POLK: variants seen among roughly 807,000 people sequenced by gnomAD.
The protein encoded by POLK is polymerase (DNA directed) kappa.
In POLK, 76 loss-of-function variants were observed where a neutral mutation model predicts 94.0. The ratio of observed to expected loss-of-function variants is 0.81; its 90% CI spans 0.67 to 0.98. The LOEUF (loss-of-function observed/expected upper bound fraction) is 0.98. Ranked by LOEUF, POLK falls within the 50% of genes least tolerant of loss-of-function variation. The pLI is 0.00. For missense variants in POLK, 954 were observed against 1,010.1 expected, an observed-to-expected ratio of 0.94 and a Z score of 0.75; for synonymous variants, 349 against 325.4, an observed-to-expected ratio of 1.07 and a Z score of -0.78.
rs148876471 is a variant in POLK, at chr5:75,560,307, T to C, written c.255+7716T>C. On this transcript the variant is annotated intron_variant, in intron 3 of 14. Coordinates refer to ENST00000241436, the Ensembl canonical transcript of POLK. ...GTAACTTCTACTTTATAATTATAGA[T>C]AATTAAGCCCTTATTGTATCCCTAG... Among the ~76,000 whole-genome samples, 338 of 152,320 alleles carry C rather than the reference T, an allele frequency of 2.2e-3. 2 individuals carry two copies. Among genetic ancestry groups the C allele is most frequent in the Admixed American group, 7.5e-3 (115 of 15,286 alleles).
intron 3 of POLK, among the ~76,000 whole-genome samples, chr5:75,564,845 G>A (rs377610358): frequency 2.0e-5 from 3 of 152,112 alleles, no homozygotes; most frequent in East Asian, 3.9e-4. Context: ...TGGTGAATCT[G>A]ATGATTATGT....
chr5:75,537,930 C>T (rs940529626), intron 1 of POLK, among the ~76,000 whole-genome samples: 2 of 151,948 alleles, frequency 1.3e-5, no homozygotes, highest in African/African-American at 2.4e-5. Context: ...AATCTCGGCT[C>T]ACTGCAAGCT....
chr5:75,566,848 C>T (rs995848145), intron 3 of POLK, among the ~76,000 whole-genome samples: 12 of 152,148 alleles, frequency 7.9e-5, no homozygotes, highest in African/African-American at 2.7e-4. Context: ...GTGACACACA[C>T]CAGTTTTGAG....
At chr5:75,599,451 G>A (rs1260749789) in exon 15 of POLK, 1 of 151,952 alleles carries the variant, frequency 6.6e-6, no homozygotes, top group East Asian at 1.9e-4. Context: ...TGACAAAGTG[G>A]TAACTAGACT....
chr5:75,517,009 A>G (rs1042896058), intron 1 of POLK, among the ~76,000 whole-genome samples: 3 of 151,910 alleles, frequency 2.0e-5, no homozygotes, highest in East Asian at 1.9e-4. Context: ...CCATGTGTCT[A>G]TTTTCTTGCC....
chr5:75,556,369 T>G (rs1157420326), intron 3 of POLK, among the ~76,000 whole-genome samples: 1 of 152,276 alleles, frequency 6.6e-6, no homozygotes, highest in Non-Finnish European at 1.5e-5. Flanking sequence ...GTTTGCTTTC[T>G]TATTTTTGGT....
chr5:75,589,600 G>A (rs765877872), intron 10 of POLK, among the ~76,000 whole-genome samples: 10 of 151,920 alleles, frequency 6.6e-5, no homozygotes, highest in Non-Finnish European at 1.5e-4. Context: ...ACAGGCGCCC[G>A]TATACGTGGA....
chr5:75,554,278 T>C (rs1370733500), intron 3 of POLK, among the ~76,000 whole-genome samples: 1 of 152,124 alleles, frequency 6.6e-6, no homozygotes, highest in African/African-American at 2.4e-5. Context: ...AAGCAATGTT[T>C]TTTGCCCACA....
At chr5:75,584,912 A>C in exon 9 of POLK, 1 of 1,592,282 alleles carries the variant, frequency 6.3e-7, no homozygotes. Flanking sequence ...GTCTAGGTTC[A>C]ACACACCTGA....
rs899698862 is a variant in POLK, at chr5:75,511,863, C to G, written c.-65C>G. 5.3e-5 allele frequency: 81 copies of G among 1,529,006 alleles called. 2 individuals carry two copies. Among genetic ancestry groups the G allele is most frequent in the Non-Finnish European group, 6.6e-5 (75 of 1,132,304 alleles). 94.7% of individuals were successfully genotyped at this position (1,529,006 alleles called of 1,614,324 possible). ...GCTGCATTCTGGGAAGGGCGTTGGT[C>G]CGTCGCTCGCGCAGCCTCCTGGGAG... On this transcript the variant is annotated 5_prime_UTR_variant, in exon 1 of 15. Transcript: ENST00000241436.
At chr5:75,581,678 CTTT>C (rs1158442197) in intron 7 of POLK, 907 of 304,840 alleles carry the variant, frequency 3.0e-3, no homozygotes, top group South Asian at 5.0e-3. Flanking sequence ...ACGTTTCTTT[CTTT>C]TTTTTTTTTT....
intron 1 of POLK, among the ~76,000 whole-genome samples, chr5:75,529,214 G>T (rs1263430234): frequency 6.6e-6 from 1 of 152,146 alleles, no homozygotes; most frequent in Non-Finnish European, 1.5e-5. Flanking sequence ...TCCAATCATG[G>T]TAGAAGGCAA....
upstream of POLK, chr5:75,511,427 A>G (rs887561619): frequency 6.5e-7 from 1 of 1,540,328 alleles, no homozygotes; most frequent in South Asian, 1.2e-5. Context: ...AAGGAAGCCT[A>G]CCCTTCCAGC....
intron 9 of POLK, 114 bp from the exon 10 acceptor site, chr5:75,586,912 A>G: frequency 1.4e-6 from 1 of 699,224 alleles, no homozygotes; most frequent in South Asian, 1.9e-5. Flanking sequence ...TGATGTATAA[A>G]TTTTAATAAA....
chr5:75,542,796 G>C (rs764058501), intron 1 of POLK, among the ~76,000 whole-genome samples: 3 of 149,208 alleles, frequency 2.0e-5, no homozygotes, highest in African/African-American at 7.4e-5. Flanking sequence ...CACTGCAACC[G>C]CCACCTCCCA....
At chr5:75,520,498 G>C (rs1768519572) in intron 1 of POLK, among the ~76,000 whole-genome samples, 1 of 152,116 alleles carries the variant, frequency 6.6e-6, no homozygotes, top group Admixed American at 6.6e-5. Context: ...GGGCTCAAAT[G>C]ATTCTCCCAC....
chr5:75,568,812 T>A (rs1771423488), intron 3 of POLK: 1 of 209,780 alleles, frequency 4.8e-6, no homozygotes, highest in African/African-American at 2.4e-5. Flanking sequence ...TGTTGTATAT[T>A]TCCTTTGTTG....
intron 9 of POLK, among the ~76,000 whole-genome samples, chr5:75,585,965 A>C (rs1772450313): frequency 6.6e-6 from 1 of 152,196 alleles, no homozygotes; most frequent in Non-Finnish European, 1.5e-5. Context: ...TTTTGAGTCC[A>C]CAGTTAGCTG....
Position 75,558,331 on chromosome 5 carries a change from C to T in POLK, c.255+5740C>T, listed in dbSNP as rs184922780. Among the ~76,000 whole-genome samples, 11 of 151,666 alleles carry T rather than the reference C, an allele frequency of 7.3e-5. No homozygotes were observed. The East Asian group carries it at 1.6e-3, about 21-fold the overall frequency. ...GTATTTTTATAGCTCTTGGCATACTCATATCTTTAGTCAATTTGGAATTTG... is the reference window on the plus strand; with the variant it reads ...GTATTTTTATAGCTCTTGGCATACTTATATCTTTAGTCAATTTGGAATTTG... On this transcript the variant is annotated intron_variant, in intron 3 of 14. Transcript: ENST00000241436.
Sources: allele counts gnomAD v4.1 joint callset (sites outside exome capture counted in the v4.1 genomes callset), GRCh38; gene constraint gnomAD v4.1.1; transcripts MANE v1.5; gene names NCBI Gene and HGNC (gene_info 2026-07-23, HGNC 2026-07-21).